Variants in UBE2E2 observed in about 807,000 individuals in gnomAD.
UBE2E2 encodes the protein ubiquitin-conjugating enzyme E2 E2.
Under a neutral mutation model 24.7 loss-of-function variants are expected in UBE2E2, and 6 were observed. The ratio of observed to expected loss-of-function variants is 0.24; its 90% CI spans 0.13 to 0.48. UBE2E2 has a LOEUF of 0.48. Among genes scored for constraint, UBE2E2 ranks in the 20% least tolerant of loss-of-function variants. The pLI, the probability that UBE2E2 is intolerant of heterozygous loss-of-function variation, is 0.99. For synonymous variants in UBE2E2, 104 were observed against 83.6 expected, an observed-to-expected ratio of 1.24 and a Z score of -1.33; for missense variants, 169 against 245.0, an observed-to-expected ratio of 0.69 and a Z score of 2.07.
rs560399263 is a variant in UBE2E2 at position 23,364,657 on chromosome 3, A to G, written c.228-134951A>G. Among the ~76,000 whole-genome samples, 17 of 152,344 alleles carry G rather than the reference A, an allele frequency of 1.1e-4. No homozygotes were observed. The South Asian group carries it at 2.9e-3, about 26-fold the overall frequency. ...AAAGCCTGCCAATCACAAAAATCCC[A>G]GGACCAGACAGATTCACAGCCAAAC... On this transcript the variant is annotated intron_variant, in intron 3 of 5. Coordinates refer to ENST00000396703, the MANE Select transcript of UBE2E2 (RefSeq NM_152653.4).
chr3:23,271,517 A>G (rs1698242040), intron 3 of UBE2E2, among the ~76,000 whole-genome samples: 1 of 151,918 alleles, frequency 6.6e-6, no homozygotes, highest in Non-Finnish European at 1.5e-5. Context: ...CCCTTATCTG[A>G]CCCCACCCAC....
chr3:23,571,202 A>G (rs1696213079), intron 5 of UBE2E2, among the ~76,000 whole-genome samples: 1 of 150,044 alleles, frequency 6.7e-6, no homozygotes, highest in Non-Finnish European at 1.5e-5. Flanking sequence ...ATGGCTCCAG[A>G]GCACCACTGC....
chr3:23,212,379 A>G (rs1313819998), intron 2 of UBE2E2, among the ~76,000 whole-genome samples: 1 of 152,162 alleles, frequency 6.6e-6, no homozygotes, highest in African/African-American at 2.4e-5. Context: ...CTGTTGTTGG[A>G]CTATATCTGC....
chr3:23,482,688 A>G (rs1216295193), intron 3 of UBE2E2, among the ~76,000 whole-genome samples: 4 of 152,226 alleles, frequency 2.6e-5, no homozygotes, highest in African/African-American at 7.2e-5. Flanking sequence ...CACAAAGCCT[A>G]ATTCTTTCAT....
chr3:23,297,992 AG>A (rs980716343), intron 3 of UBE2E2, among the ~76,000 whole-genome samples: 32 of 151,670 alleles, frequency 2.1e-4, no homozygotes, highest in African/African-American at 7.7e-4. Flanking sequence ...CTCCTTGAAG[AG>A]GTCCTTCACA....
At chr3:23,560,930 G>A (rs563557100) in intron 5 of UBE2E2, among the ~76,000 whole-genome samples, 2 of 152,040 alleles carry the variant, frequency 1.3e-5, no homozygotes, top group Admixed American at 6.5e-5. Flanking sequence ...TTTTTTTCTT[G>A]TAAATTTGTT....
chr3:23,511,986 G>A (rs1005362906), intron 4 of UBE2E2, among the ~76,000 whole-genome samples: 2 of 152,084 alleles, frequency 1.3e-5, no homozygotes, highest in Non-Finnish European at 2.9e-5. Context: ...TTTGGTTTCA[G>A]TTTTAATCGA....
At chr3:23,451,340 A>G (rs1404308708) in intron 3 of UBE2E2, among the ~76,000 whole-genome samples, 2 of 152,202 alleles carry the variant, frequency 1.3e-5, no homozygotes, top group African/African-American at 2.4e-5. Flanking sequence ...TCAGTAATAG[A>G]GGTAGTACTT....
At chr3:23,547,982 G>A (rs1418159059) in intron 5 of UBE2E2, among the ~76,000 whole-genome samples, 1 of 152,194 alleles carries the variant, frequency 6.6e-6, no homozygotes, top group Non-Finnish European at 1.5e-5. Context: ...GTGAATACCG[G>A]AGGGAAGACT....
chr3:23,354,203 G>C (rs1162864258), intron 3 of UBE2E2, among the ~76,000 whole-genome samples: 4 of 151,978 alleles, frequency 2.6e-5, no homozygotes, highest in African/African-American at 4.8e-5. Flanking sequence ...GCTGAAACTG[G>C]ATCCCTTCCT....
chr3:23,521,228 G>C (rs1235844667), intron 4 of UBE2E2, among the ~76,000 whole-genome samples: 1 of 152,144 alleles, frequency 6.6e-6, no homozygotes. Context: ...GCCTTGGGGA[G>C]TGTGAGACCT....
intron 5 of UBE2E2, among the ~76,000 whole-genome samples, chr3:23,560,065 T>C (rs1418867368): frequency 1.3e-5 from 2 of 152,112 alleles, no homozygotes; most frequent in African/African-American, 2.4e-5. Flanking sequence ...TGTATATATG[T>C]ATTTTTTTAT....
At chr3:23,398,928 A>G (rs1697145094) in intron 3 of UBE2E2, among the ~76,000 whole-genome samples, 1 of 152,194 alleles carries the variant, frequency 6.6e-6, no homozygotes, top group Admixed American at 6.5e-5. Flanking sequence ...ATAAAAATAA[A>G]AACTGTGTGT....
At chr3:23,251,131 T>C (rs1697563396) in intron 3 of UBE2E2, among the ~76,000 whole-genome samples, 1 of 152,238 alleles carries the variant, frequency 6.6e-6, no homozygotes, top group Non-Finnish European at 1.5e-5. Context: ...CTGGGATTAC[T>C]GTGCCTAGCC....
chr3:23,524,846 A>C (rs1209721954), intron 4 of UBE2E2, among the ~76,000 whole-genome samples: 1 of 147,276 alleles, frequency 6.8e-6, no homozygotes, highest in African/African-American at 2.5e-5. Flanking sequence ...TGGGAGATAC[A>C]GATACACACA....
At chr3:23,207,181 AGT>A (rs1485338049) in intron 1 of UBE2E2, among the ~76,000 whole-genome samples, 1 of 152,202 alleles carries the variant, frequency 6.6e-6, no homozygotes, top group African/African-American at 2.4e-5. Flanking sequence ...ACTTTAAGCT[AGT>A]CAGCTCATAA....
In UBE2E2 at chr3:23,467,870, C is replaced by T. The variant is rs368836328; in HGVS notation, c.228-31738C>T. 2.3e-3 allele frequency among the ~76,000 whole-genome samples: 350 copies of T among 152,236 alleles called. 1 individual carries two copies. Among genetic ancestry groups the T allele is most frequent in the African/African-American group, 7.7e-3 (321 of 41,538 alleles). On this transcript the variant is annotated intron_variant, in intron 3 of 5. Coordinates refer to ENST00000396703, the MANE Select transcript of UBE2E2 (RefSeq NM_152653.4). ...GCAGAAGGTGAAGGGGAAGGAGGCA[C>T]ATCTTCACATGGCCTGCAGGAGAGA...
chr3:23,468,374 T>C (rs1025843109), intron 3 of UBE2E2, among the ~76,000 whole-genome samples: 1 of 152,230 alleles, frequency 6.6e-6, no homozygotes, highest in African/African-American at 2.4e-5. Context: ...ACCTATACTT[T>C]TCCCATATTA....
intron 4 of UBE2E2, among the ~76,000 whole-genome samples, chr3:23,508,134 C>G (rs142836686): frequency 1.3e-5 from 2 of 152,264 alleles, no homozygotes; most frequent in African/African-American, 4.8e-5. Context: ...TTTTGATAAA[C>G]TTTTAATAAT....
Sources: gnomAD v4.1 joint callset for allele counts (sites outside exome capture counted in the v4.1 genomes callset) on GRCh38, gnomAD v4.1.1 for gene constraint, MANE v1.5 for transcripts, NCBI Gene and HGNC (gene_info 2026-07-23, HGNC 2026-07-21) for gene names.